The following KSR1 variants were observed in gnomAD, a reference collection of about 807,000 sequenced individuals.
The protein encoded by KSR1 is kinase suppressor of ras 1, also known as kinase suppressor of ras.
In KSR1, 35 loss-of-function variants were observed where a neutral mutation model predicts 92.9. That is an observed-to-expected ratio of 0.38 (90% CI 0.29 to 0.50). KSR1 has a LOEUF of 0.50. Among genes scored for constraint, KSR1 ranks in the 20% least tolerant of loss-of-function variants. The pLI, the probability that KSR1 is intolerant of heterozygous loss-of-function variation, is 0.94. For missense variants in KSR1, 972 were observed against 1,158.5 expected, an observed-to-expected ratio of 0.84 and a Z score of 2.34; for synonymous variants, 467 against 472.6, an observed-to-expected ratio of 0.99 and a Z score of 0.15.
chr17:27,605,702 A>G lies in KSR1; in HGVS notation c.1883A>G (p.His628Arg). The change falls in exon 14 of 21, where the codon CAC becomes CGC. Residue 628 changes from histidine to arginine, a missense_variant. This residue lies in a region of KSR1 where 260 missense variants were observed against 375.2 expected (regional missense o/e 0.69). Transcript: ENST00000644974. Reference protein sequence around the residue: ...LLEMDGHNQDHLKLFKKEVMN... With the variant: ...LLEMDGHNQDRLKLFKKEVMN... ...GAGATGGACGGCCACAACCAGGACC[A>G]CCTGAAGCTCTTCAAGAAAGAGGTG... is the stretch of plus-strand genomic sequence containing the variant. The G allele has an allele frequency of 6.2e-7, 1 of 1,612,978 alleles. No homozygotes were observed. Among genetic ancestry groups the G allele is most frequent in the Non-Finnish European group, 8.5e-7 (1 of 1,179,876 alleles).
chr17:27,468,149 G>C (rs962727546), intron 1 of KSR1, among the ~76,000 whole-genome samples: 3 of 151,338 alleles, frequency 2.0e-5, no homozygotes, highest in South Asian at 2.1e-4. Flanking sequence ...TCATGGAAAG[G>C]TTTAAACTTG....
At chr17:27,467,813 GT>G (rs200085439) in intron 1 of KSR1, among the ~76,000 whole-genome samples, 79 of 139,372 alleles carry the variant, frequency 5.7e-4, no homozygotes, top group Non-Finnish European at 6.7e-4. Flanking sequence ...TTTATGTTTT[GT>G]TTTTTTTTTT....
At chr17:27,617,140 T>A (rs1379990236) in intron 18 of KSR1, among the ~76,000 whole-genome samples, 155 bp from the exon 19 acceptor site, 1 of 152,064 alleles carries the variant, frequency 6.6e-6, no homozygotes, top group Non-Finnish European at 1.5e-5. Flanking sequence ...TGAAACCCAG[T>A]TACTTCTCAC....
intron 19 of KSR1, among the ~76,000 whole-genome samples, chr17:27,618,865 A>G (rs539161253): frequency 6.6e-6 from 1 of 152,174 alleles, no homozygotes; most frequent in African/African-American, 2.4e-5. Context: ...TCCAAAAAAA[A>G]TTTTTGTATA....
At chr17:27,610,396 A>G (rs187594036) in intron 17 of KSR1, among the ~76,000 whole-genome samples, 198 bp downstream of exon 17, 117 of 152,282 alleles carry the variant, frequency 7.7e-4, no homozygotes, top group African/African-American at 2.1e-3. Context: ...TGAGTGCATG[A>G]CTATATCCTT....
At chr17:27,605,904 G>A (rs1598134882) in intron 14 of KSR1, 91 bp downstream of exon 14, 2 of 1,518,228 alleles carry the variant, frequency 1.3e-6, no homozygotes, top group East Asian at 2.4e-5. Context: ...TAGAGGGTGT[G>A]GAAGTTCTAA....
At chr17:27,474,915 A>T (rs75838505) in intron 1 of KSR1, among the ~76,000 whole-genome samples, 1 of 152,192 alleles carries the variant, frequency 6.6e-6, no homozygotes. Flanking sequence ...ATCCCTAAAA[A>T]TACCACACAC....
chr17:27,495,070 G>A (rs1029198904), intron 1 of KSR1, among the ~76,000 whole-genome samples: 1 of 152,214 alleles, frequency 6.6e-6, no homozygotes, highest in African/African-American at 2.4e-5. Context: ...GTGCAGAGTG[G>A]GTGTGAGTTC....
intron 14 of KSR1, 98 bp from the exon 15 acceptor site, chr17:27,607,816 C>T (rs917734875): frequency 8.2e-6 from 7 of 854,582 alleles, no homozygotes; most frequent in Non-Finnish European, 1.3e-5. Flanking sequence ...AGAGTCCTTG[C>T]AGGCAGACGG....
chr17:27,560,626 G>T (rs1352892887), intron 2 of KSR1, among the ~76,000 whole-genome samples: 1 of 152,226 alleles, frequency 6.6e-6, no homozygotes, highest in Non-Finnish European at 1.5e-5. Context: ...CCAGAGCTCT[G>T]TGTGGACACC....
rs566576633 is a variant in KSR1, at chr17:27,539,037, AG to A, written c.232-11528del. Among the ~76,000 whole-genome samples the A allele has an allele frequency of 5.2e-3, 787 of 152,278 alleles. 2 individuals are homozygous for A. The highest frequency in any genetic ancestry group is 9.1e-3 in the Non-Finnish European group (621 of 67,998). On this transcript the variant is annotated intron_variant, in intron 1 of 20. Transcript: ENST00000644974. ...CATCCCTCCCTTCCAGAGTCTCCCT[AG>A]GGAACAGGCCTTAAGGATAGGTAAG... is the stretch of plus-strand genomic sequence containing the variant.
chr17:27,608,826 C>T (rs1284519119), intron 15 of KSR1, among the ~76,000 whole-genome samples: 1 of 152,184 alleles, frequency 6.6e-6, no homozygotes, highest in Non-Finnish European at 1.5e-5. Flanking sequence ...CAGAAAACCC[C>T]AGCTCATTTA....
rs1444304562 is a variant in KSR1, at chr17:27,601,366, A to C, written c.1475A>C (p.Tyr492Ser). Residue 492 changes from tyrosine to serine, a missense_variant, in exon 11 of 21, where the codon TAC (tyrosine) becomes TCC (serine). By Grantham distance (144) the Tyr-to-Ser change is moderately radical. Transcript: ENST00000644974. ...RDSRFNFPAA[Y>S]FIHHRQQFIF... is the part of the protein sequence containing the mutation. ...CCTCCTCTTCTGTTTAAAGCTGCCT[A>C]CTTCATTCATCATAGACAGCAGTTT... The C allele has an allele frequency of 1.2e-6, 2 of 1,613,392 alleles. No individual in the cohort carries two copies. The highest frequency in any genetic ancestry group is 1.1e-5 in the South Asian group (1 of 91,028).
At chr17:27,527,968 G>A (rs950884982) in intron 1 of KSR1, among the ~76,000 whole-genome samples, 1 of 152,180 alleles carries the variant, frequency 6.6e-6, no homozygotes, top group Non-Finnish European at 1.5e-5. Flanking sequence ...ACCTCTTGTG[G>A]GTCATCCAGG....
intron 1 of KSR1, among the ~76,000 whole-genome samples, chr17:27,509,296 T>G (rs925540192): frequency 7.9e-5 from 12 of 151,740 alleles, no homozygotes; most frequent in African/African-American, 2.9e-4. Context: ...GGATCTTTTT[T>G]TTTTGTTTTT....
chr17:27,592,410 T>C lies in KSR1; in HGVS notation c.1180T>C (p.Ser394Pro), dbSNP rs930245957. ...CAAAGAAGCCCCTGCCTGTAGAATA[T>C]CCTTCCTGCCACGTGAGTTTTCTGC... ...CTKEAPACRI[S>P]FLPLTRLRRT... Residue 394 changes from serine (S) to proline (P), a missense_variant, in exon 8 of 21, where the codon TCC becomes CCC. Physicochemically the swap from Ser to Pro is moderately conservative, Grantham distance 74 (BLOSUM62 -1). This residue lies in a region of KSR1 where 611 missense variants were observed against 668.0 expected (regional missense o/e 0.91). Coordinates refer to ENST00000644974, the MANE Select transcript of KSR1 (RefSeq NM_001394583.1). 6.2e-7 allele frequency: 1 copy of C among 1,613,944 alleles called. No individual in the cohort carries two copies. The highest frequency in any genetic ancestry group is 8.5e-7 in the Non-Finnish European group (1 of 1,179,848).
chr17:27,588,589 A>G (rs2073057781), intron 6 of KSR1, 54 bp downstream of exon 6: 6 of 1,486,876 alleles, frequency 4.0e-6, no homozygotes, highest in Non-Finnish European at 5.5e-6. Context: ...TGGTACCCAG[A>G]TGGGGCCAGG....
At chr17:27,590,162 A>G (rs1264733754) in intron 6 of KSR1, among the ~76,000 whole-genome samples, 1 of 152,246 alleles carries the variant, frequency 6.6e-6, no homozygotes, top group Non-Finnish European at 1.5e-5. Flanking sequence ...CCTAGTTGAC[A>G]GTGCTACCAT....
At chr17:27,489,208 C>A (rs1197938758) in intron 1 of KSR1, among the ~76,000 whole-genome samples, 1 of 152,196 alleles carries the variant, frequency 6.6e-6, no homozygotes, top group Middle Eastern at 3.2e-3. Flanking sequence ...TCATTGGATC[C>A]TCAGCTGGGT....
Sources: allele counts gnomAD v4.1 joint callset (sites outside exome capture counted in the v4.1 genomes callset), GRCh38; gene constraint gnomAD v4.1.1; regional missense constraint gnomAD v4.1.1; transcripts MANE v1.5; gene names NCBI Gene and HGNC (gene_info 2026-07-23, HGNC 2026-07-21).